Variants in CD82 observed in about 807,000 individuals in gnomAD.
The protein encoded by CD82 is CD82 molecule, also known as CD82 antigen.
In CD82, 36 loss-of-function variants were observed where a neutral mutation model predicts 37.4. The ratio of observed to expected loss-of-function variants is 0.96; its 90% CI spans 0.74 to 1.27. The LOEUF (loss-of-function observed/expected upper bound fraction) is 1.27. CD82 is among the 50% of genes most tolerant of loss of function. The probability of loss-of-function intolerance (pLI) is 0.00; values close to 1 mark genes in which losing one functional copy is unlikely to be tolerated. For missense variants in CD82, 340 were observed against 347.0 expected (o/e 0.98, Z 0.16); for synonymous variants, 158 against 137.4 (o/e 1.15, Z -1.05).
At chr11:44,573,905 A>G (rs1035133840) in intron 1 of CD82, among the ~76,000 whole-genome samples, 3 of 152,202 alleles carry the variant, frequency 2.0e-5, no homozygotes, top group South Asian at 2.1e-4. Flanking sequence ...TAATGCTGGT[A>G]AAATGCTTCG....
chr11:44,607,036 C>T (rs1051046781), intron 6 of CD82: 1 of 152,294 alleles, frequency 6.6e-6, no homozygotes, highest in Admixed American at 6.5e-5. Context: ...CTAGCAGACC[C>T]TTAGGGTCCC....
At chr11:44,571,784 A>G (rs1852818327) in intron 1 of CD82, among the ~76,000 whole-genome samples, 6 of 152,142 alleles carry the variant, frequency 3.9e-5, no homozygotes, top group Non-Finnish European at 7.3e-5. Flanking sequence ...CATATTGATC[A>G]GGCTGCTCTC....
chr11:44,581,517 G>C (rs1440218222), intron 1 of CD82, among the ~76,000 whole-genome samples: 1 of 152,242 alleles, frequency 6.6e-6, no homozygotes, highest in African/African-American at 2.4e-5. Context: ...CCTTCAGAGG[G>C]AGATGCAGTC....
intron 3 of CD82, chr11:44,594,999 A>T: frequency 2.1e-6 from 1 of 485,736 alleles, no homozygotes. Context: ...GGTATGGGGA[A>T]GGAGAGGAGA....
In CD82 at chr11:44,597,073, C is replaced by T. The variant is rs746352352; in HGVS notation, c.63+2348C>T. On this transcript the variant is annotated intron_variant, in intron 3 of 9. Transcript: ENST00000227155. The surrounding 1 kb of genome is among the most constrained non-coding windows in gnomAD (Gnocchi z 4.1). Reference sequence around the variant, plus strand: ...GAGTGCACCTCCCCAGGCATAGACCCGGCCAGCCTGCCTCTTTGTTTTATG... The same window carrying T: ...GAGTGCACCTCCCCAGGCATAGACCTGGCCAGCCTGCCTCTTTGTTTTATG... 131 of 453,790 alleles carry T rather than the reference C, an allele frequency of 2.9e-4. No individual in the cohort carries two copies. Among genetic ancestry groups the T allele is most frequent in the South Asian group, 1.3e-3 (81 of 64,474 alleles). The allele number at this position is 453,790 out of a possible 1,614,324, so 28.1% of individuals were successfully genotyped here. A position where few individuals can be genotyped will look rare whatever the true frequency, so the allele number is the denominator to read the frequency against.
chr11:44,587,789 AC>A (rs1249760032), intron 2 of CD82: 2 of 359,046 alleles, frequency 5.6e-6, no homozygotes, highest in African/African-American at 2.1e-5. Flanking sequence ...AGGGTTGAGC[AC>A]CTGACACACC....
At position 44,611,636 on chromosome 11, in the gene CD82, A is replaced by G. The variant is rs139510393; in HGVS notation, c.337-3636A>G. Among the ~76,000 whole-genome samples the G allele has an allele frequency of 1.4e-3, 206 of 152,248 alleles. 1 individual carries two copies. Among genetic ancestry groups the G allele is most frequent in the African/African-American group, 4.8e-3 (198 of 41,558 alleles). On this transcript the variant is annotated intron_variant, in intron 6 of 9. Transcript: ENST00000227155. ...AATGGAGCGGTCCCTGGGGGGATGG[A>G]GGGAGCTCATGAATGTCTTCTCCTG...
At position 44,618,625 on chromosome 11, in the gene CD82, A is replaced by AT; in HGVS notation, c.643-13dup. 2 of 1,603,990 alleles carry AT rather than the reference A, an allele frequency of 1.2e-6. No individual in the cohort carries two copies. The highest frequency in any genetic ancestry group is 2.7e-5 in the African/African-American group (2 of 74,900). ...GTGCAGAGCGGGGTGATGTGACCGC[A>AT]TTCTGCCCTTGCAGGGCTGCATGGA... On this transcript the variant is annotated splice_polypyrimidine_tract_variant and intron_variant, in intron 8 of 9. Transcript: ENST00000227155.
intron 4 of CD82, among the ~76,000 whole-genome samples, chr11:44,601,040 G>A (rs756466559): frequency 2.0e-5 from 3 of 152,120 alleles, no homozygotes; most frequent in Non-Finnish European, 4.4e-5. Flanking sequence ...GCGCCTGCTC[G>A]GCCTCCTCCA....
At chr11:44,606,073 T>TGGGATGGCTTTCCTGAGCG (rs1409245302) in intron 6 of CD82, 1 of 152,536 alleles carries the variant, frequency 6.6e-6, no homozygotes, top group Non-Finnish European at 1.5e-5. Flanking sequence ...GCATCCTCGC[T>TGGGATGGCTTTCCTGAGCG]GGGATGGCTT....
intron 1 of CD82, among the ~76,000 whole-genome samples, chr11:44,575,767 C>T (rs1009388536): frequency 6.6e-6 from 1 of 152,160 alleles, no homozygotes; most frequent in East Asian, 1.9e-4. Context: ...CCTCACCACC[C>T]CTTCTCCCAT....
intron 3 of CD82, among the ~76,000 whole-genome samples, chr11:44,595,665 T>C (rs1853212731): frequency 6.6e-6 from 1 of 152,144 alleles, no homozygotes; most frequent in Non-Finnish European, 1.5e-5. Flanking sequence ...CATCTCTGTA[T>C]TTTCCCAATT....
In CD82 at chr11:44,602,627, G is replaced by A. The variant is rs182121666; in HGVS notation, c.136+2397G>A. On this transcript the variant is annotated intron_variant, in intron 4 of 9. Coordinates refer to ENST00000227155, the MANE Select transcript of CD82 (RefSeq NM_002231.4). Reference sequence around the variant, plus strand: ...CTTATCCCTCATCCCTTTCTGTTTGGGCCGCTTCCTTTGGTCCCTTCTAGG... The same window carrying A: ...CTTATCCCTCATCCCTTTCTGTTTGAGCCGCTTCCTTTGGTCCCTTCTAGG... Among the ~76,000 whole-genome samples, 947 of 152,132 alleles carry A rather than the reference G, an allele frequency of 6.2e-3. 15 individuals are homozygous for A. The highest frequency in any genetic ancestry group is 4.1e-3 in the Non-Finnish European group (282 of 67,994).
Position 44,604,994 on chromosome 11 carries a change from G to A in CD82, c.137-64G>A. On this transcript the variant is annotated intron_variant, in intron 4 of 9. Coordinates refer to ENST00000227155, the MANE Select transcript of CD82 (RefSeq NM_002231.4). ...AAGAGGGGATCCGGAAGAAGACCTG[G>A]ACGGTTAGGCCAGGTGTTTATACCT... The A allele has an allele frequency of 1.9e-6, 3 of 1,612,350 alleles. No homozygotes were observed. The South Asian group carries it at 3.3e-5, about 18-fold the overall frequency.
intron 6 of CD82, among the ~76,000 whole-genome samples, chr11:44,608,531 T>G (rs1286642789): frequency 2.6e-5 from 4 of 152,248 alleles, no homozygotes; most frequent in Non-Finnish European, 4.4e-5. Flanking sequence ...GTGGAACCAC[T>G]GCTCTGACAT....
At chr11:44,605,303 T>C (rs1474094142) in intron 5 of CD82, 52 bp from the exon 6 acceptor site, 7 of 1,612,170 alleles carry the variant, frequency 4.3e-6, no homozygotes, top group Non-Finnish European at 5.9e-6. Flanking sequence ...GCAGGCTGGG[T>C]GCACCTGGTC....
chr11:44,587,191 T>C, intron 1 of CD82: 2 of 344,432 alleles, frequency 5.8e-6, no homozygotes, highest in South Asian at 4.5e-5. Flanking sequence ...ATGTCAGCCT[T>C]CTGAGCCAAG....
At chr11:44,595,173 G>C (rs1853204369) in intron 3 of CD82, among the ~76,000 whole-genome samples, 1 of 152,266 alleles carries the variant, frequency 6.6e-6, no homozygotes. Flanking sequence ...GTCGTGGGAA[G>C]GTATCTCCCT....
chr11:44,604,790 A>T (rs1853363687), intron 4 of CD82: 1 of 506,840 alleles, frequency 2.0e-6, no homozygotes, highest in South Asian at 2.0e-5. Flanking sequence ...TAGTCTATTC[A>T]ATCCTGAGAA....
Sources: gnomAD v4.1 joint callset for allele counts (sites outside exome capture counted in the v4.1 genomes callset) on GRCh38, gnomAD v4.1.1 for gene constraint, Gnocchi (gnomAD v3.1) non-coding constraint, MANE v1.5 for transcripts, NCBI Gene and HGNC (gene_info 2026-07-23, HGNC 2026-07-21) for gene names.